HECTD2: variants seen among roughly 807,000 people sequenced by gnomAD.
HECTD2 encodes the protein HECT domain E3 ubiquitin protein ligase 2, also known as probable E3 ubiquitin-protein ligase HECTD2.
Under a neutral mutation model 103.2 loss-of-function variants are expected in HECTD2, and 35 were observed. The ratio of observed to expected loss-of-function variants is 0.34; its 90% CI spans 0.26 to 0.45. HECTD2 has a LOEUF of 0.45. Among genes scored for constraint, HECTD2 ranks in the 20% least tolerant of loss-of-function variants. The probability of loss-of-function intolerance (pLI) is 1.00; values close to 1 mark genes in which losing one functional copy is unlikely to be tolerated. For missense variants in HECTD2, 596 were observed against 937.4 expected (o/e 0.64, Z 4.76); for synonymous variants, 281 against 329.9 (o/e 0.85, Z 1.61).
chr10:91,441,947 C>T (rs1199579048), intron 2 of HECTD2, among the ~76,000 whole-genome samples: 1 of 69,504 alleles, frequency 1.4e-5, no homozygotes, highest in Non-Finnish European at 2.4e-5. Flanking sequence ...AAATATTCCT[C>T]CATCCCTTTA....
At chr10:91,427,267 T>G (rs1843608918) in intron 2 of HECTD2, among the ~76,000 whole-genome samples, 1 of 152,020 alleles carries the variant, frequency 6.6e-6, no homozygotes, top group African/African-American at 2.4e-5. Context: ...ACATTTGGGT[T>G]GGTTCCAAGT....
chr10:91,512,459 T>G lies in HECTD2; in HGVS notation c.*75T>G, dbSNP rs1325500841. The G allele has an allele frequency of 7.6e-7, 1 of 1,314,282 alleles. No individual in the cohort carries two copies. Among genetic ancestry groups the G allele is most frequent in the African/African-American group, 1.5e-5 (1 of 68,506 alleles). 81.4% of individuals were successfully genotyped at this position (1,314,282 alleles called of 1,614,324 possible). ...TTACTGTGCCTTTAGCCTTTTCATG[T>G]TTCTGTCTCAAAACACTTTGACAAA... On this transcript the variant is annotated 3_prime_UTR_variant, in exon 21 of 21. Transcript: ENST00000298068.
intron 1 of HECTD2, among the ~76,000 whole-genome samples, chr10:91,421,919 C>T (rs540405517): frequency 3.9e-4 from 60 of 152,278 alleles, no homozygotes; most frequent in African/African-American, 9.6e-5. Flanking sequence ...CACCTGAAAT[C>T]GCTGTTAACA....
intron 2 of HECTD2, among the ~76,000 whole-genome samples, chr10:91,432,080 G>T (rs576322547): frequency 6.6e-6 from 1 of 152,044 alleles, no homozygotes; most frequent in Non-Finnish European, 1.5e-5. Context: ...GAGTTTATTT[G>T]TTAAGGGCAC....
chr10:91,497,413 C>T (rs943396382), intron 15 of HECTD2, among the ~76,000 whole-genome samples: 1 of 150,026 alleles, frequency 6.7e-6, no homozygotes, highest in African/African-American at 2.4e-5. Context: ...GCCTCAGCCT[C>T]CCGAATAGCT....
chr10:91,479,363 G>T (rs1489437646), intron 6 of HECTD2, among the ~76,000 whole-genome samples: 2 of 151,978 alleles, frequency 1.3e-5, no homozygotes, highest in Non-Finnish European at 2.9e-5. Context: ...AATAGAGTGA[G>T]ACTGTCTCAA....
At chr10:91,504,241 CA>C (rs1176433001) in intron 20 of HECTD2, among the ~76,000 whole-genome samples, 2 of 152,206 alleles carry the variant, frequency 1.3e-5, no homozygotes, top group Non-Finnish European at 2.9e-5. Flanking sequence ...CAAAGGAACG[CA>C]GCTCCTCACC....
At chr10:91,411,510 T>G (rs1842916466) in intron 1 of HECTD2, among the ~76,000 whole-genome samples, 1 of 152,246 alleles carries the variant, frequency 6.6e-6, no homozygotes, top group Non-Finnish European at 1.5e-5. Context: ...ATTTTCTTTA[T>G]TCCTACTTGC....
At chr10:91,430,685 G>A (rs903769356) in intron 2 of HECTD2, among the ~76,000 whole-genome samples, 1 of 152,040 alleles carries the variant, frequency 6.6e-6, no homozygotes. Flanking sequence ...TGTTTTATCA[G>A]AGACTAGGAT....
intron 2 of HECTD2, among the ~76,000 whole-genome samples, chr10:91,431,875 C>G (rs565751453): frequency 6.6e-6 from 1 of 152,210 alleles, no homozygotes; most frequent in East Asian, 1.9e-4. Flanking sequence ...CTTCTTCTCT[C>G]AACTCTTCAA....
At chr10:91,473,873 A>C (rs1373781862) in intron 5 of HECTD2, among the ~76,000 whole-genome samples, 2 of 152,140 alleles carry the variant, frequency 1.3e-5, no homozygotes, top group South Asian at 4.1e-4. Context: ...GGGGGAGTCA[A>C]AAGTTATACA....
chr10:91,505,559 A>G (rs920435584), intron 20 of HECTD2, among the ~76,000 whole-genome samples: 1 of 151,754 alleles, frequency 6.6e-6, no homozygotes, highest in Admixed American at 6.6e-5. Flanking sequence ...GATCAATTCA[A>G]CAAGAAGAGC....
At chr10:91,453,927 A>T (rs1458559933) in intron 2 of HECTD2, among the ~76,000 whole-genome samples, 1 of 152,130 alleles carries the variant, frequency 6.6e-6, no homozygotes, top group Admixed American at 6.6e-5. Flanking sequence ...AAGAAAACTC[A>T]TGGAGACAGA....
chr10:91,444,935 T>A (rs1844535307), intron 2 of HECTD2, among the ~76,000 whole-genome samples: 1 of 152,218 alleles, frequency 6.6e-6, no homozygotes, highest in South Asian at 2.1e-4. Flanking sequence ...CCCTTTCTTT[T>A]AATATACTGT....
chr10:91,451,581 G>C (rs1429825483), intron 2 of HECTD2, among the ~76,000 whole-genome samples: 1 of 151,918 alleles, frequency 6.6e-6, no homozygotes, highest in Non-Finnish European at 1.5e-5. Context: ...CACAAAGTTT[G>C]GGGACAGCCC....
Position 91,471,513 on chromosome 10 carries a change from C to T in HECTD2, c.601-6688C>T, listed in dbSNP as rs188903023. On this transcript the variant is annotated intron_variant, in intron 5 of 20. Coordinates refer to ENST00000298068, the MANE Select transcript of HECTD2 (RefSeq NM_182765.6). ...AGAAATAGAAGGCACCAAAATAGGA[C>T]GAGAGGAAGTCAAATCTTTGCAGAT... is the stretch of plus-strand genomic sequence containing the variant. Among the ~76,000 whole-genome samples, 149 of 152,140 alleles carry T rather than the reference C, an allele frequency of 9.8e-4. 1 individual carries two copies. The highest frequency in any genetic ancestry group is 3.4e-3 in the African/African-American group (140 of 41,526).
At chr10:91,419,950 C>T (rs974063285) in intron 1 of HECTD2, among the ~76,000 whole-genome samples, 1 of 152,268 alleles carries the variant, frequency 6.6e-6, no homozygotes, top group African/African-American at 2.4e-5. Flanking sequence ...TGTTCTTTAA[C>T]GTTTAATTTA....
At chr10:91,432,833 A>C (rs1843946266) in intron 2 of HECTD2, among the ~76,000 whole-genome samples, 2 of 151,982 alleles carry the variant, frequency 1.3e-5, no homozygotes, top group Admixed American at 1.3e-4. Flanking sequence ...CCTAGAGAAA[A>C]GCATACTGTG....
intron 20 of HECTD2, among the ~76,000 whole-genome samples, chr10:91,507,091 C>T (rs1847216574): frequency 1.3e-5 from 2 of 152,322 alleles, no homozygotes; most frequent in East Asian, 3.9e-4. Context: ...ATGCTAAAAA[C>T]TCCCAATAAA....
Sources: allele counts gnomAD v4.1 joint callset (sites outside exome capture counted in the v4.1 genomes callset), GRCh38; gene constraint gnomAD v4.1.1; transcripts MANE v1.5; gene names NCBI Gene and HGNC (gene_info 2026-07-23, HGNC 2026-07-21).